The following MDGA2 variants were observed in gnomAD, a reference collection of about 807,000 sequenced individuals.
The protein encoded by MDGA2 is MAM domain containing glycosylphosphatidylinositol anchor 2.
A neutral mutation model predicts 117.8 loss-of-function variants in MDGA2; 40 were observed. The observed-to-expected ratio is 0.34, with a 90% CI of 0.26 to 0.44. The LOEUF (loss-of-function observed/expected upper bound fraction) is 0.44, where lower values mean the gene tolerates loss of function less well. MDGA2 is among the 20% of genes least tolerant of loss of function. The pLI, the probability that MDGA2 is intolerant of heterozygous loss-of-function variation, is 1.00. For synonymous variants in MDGA2, 452 were observed against 439.0 expected (o/e 1.03, Z -0.37); for missense variants, 1,123 against 1,250.6 (o/e 0.90, Z 1.54).
chr14:47,316,345 T>C (rs943918931), intron 1 of MDGA2, among the ~76,000 whole-genome samples: 1 of 152,036 alleles, frequency 6.6e-6, no homozygotes, highest in African/African-American at 2.4e-5. Flanking sequence ...AAACCAAAAA[T>C]AAGTACATTT....
At chr14:47,113,110 CT>C (rs1881134658) in intron 5 of MDGA2, among the ~76,000 whole-genome samples, 1 of 151,988 alleles carries the variant, frequency 6.6e-6, no homozygotes, top group Non-Finnish European at 1.5e-5. Flanking sequence ...TATAAATTTG[CT>C]TAAGTTCATT....
intron 1 of MDGA2, among the ~76,000 whole-genome samples, chr14:47,640,535 T>C (rs1897404592): frequency 6.6e-6 from 1 of 152,106 alleles, no homozygotes; most frequent in Non-Finnish European, 1.5e-5. Context: ...TTCTGTATCA[T>C]TCTAGAATGC....
At chr14:46,931,314 A>C (rs1009921625) in intron 9 of MDGA2, among the ~76,000 whole-genome samples, 7 of 151,478 alleles carry the variant, frequency 4.6e-5, no homozygotes, top group Non-Finnish European at 8.8e-5. Flanking sequence ...CTTCTTACAG[A>C]GTTGTTATCA....
chr14:47,092,924 C>G (rs978408867), intron 6 of MDGA2, among the ~76,000 whole-genome samples: 2 of 152,078 alleles, frequency 1.3e-5, no homozygotes, highest in African/African-American at 4.8e-5. Context: ...CTGGACACCT[C>G]TCTTTGATCT....
intron 3 of MDGA2, among the ~76,000 whole-genome samples, chr14:47,194,929 G>GT (rs1487873955): frequency 3.3e-5 from 5 of 152,064 alleles, no homozygotes; most frequent in South Asian, 4.1e-4. Context: ...CAAATGCATT[G>GT]TTTGTGTTTT....
At chr14:47,077,066 G>A (rs1335188305) in intron 6 of MDGA2, among the ~76,000 whole-genome samples, 1 of 151,552 alleles carries the variant, frequency 6.6e-6, no homozygotes, top group African/African-American at 2.4e-5. Flanking sequence ...TAGTATCATT[G>A]AAAACAGCAC....
intron 1 of MDGA2, among the ~76,000 whole-genome samples, chr14:47,479,688 C>T (rs916132054): frequency 6.6e-6 from 1 of 151,912 alleles, no homozygotes; most frequent in African/African-American, 2.4e-5. Context: ...TTATTGATTA[C>T]TTTTGGTGAA....
chr14:47,070,491 T>C (rs1350665494), intron 6 of MDGA2, among the ~76,000 whole-genome samples: 1 of 152,192 alleles, frequency 6.6e-6, no homozygotes, highest in Non-Finnish European at 1.5e-5. Flanking sequence ...CTGTAGAGGG[T>C]AAGAGCCTAG....
chr14:47,149,154 G>A lies in MDGA2; in HGVS notation c.596-4880C>T, dbSNP rs138909495. Among the ~76,000 whole-genome samples, 158 of 152,190 alleles carry A rather than the reference G, an allele frequency of 1.0e-3. 2 individuals are homozygous for A. Among genetic ancestry groups the A allele is most frequent in the African/African-American group, 3.6e-3 (149 of 41,520 alleles). ...AAAATACAAAAATTAGCCAGGCATG[G>A]TGGCAGGCACCTATAGTCCCAGCTA... On this transcript the variant is annotated intron_variant, in intron 3 of 16. Transcript: ENST00000399232.
chr14:47,421,381 A>G (rs998801086), intron 1 of MDGA2, among the ~76,000 whole-genome samples: 1 of 152,186 alleles, frequency 6.6e-6, no homozygotes, highest in African/African-American at 2.4e-5. Context: ...GGCATCACAG[A>G]TGGTCAAACA....
intron 2 of MDGA2, among the ~76,000 whole-genome samples, chr14:47,297,409 G>T (rs1376777753): frequency 6.7e-6 from 1 of 149,994 alleles, no homozygotes; most frequent in Non-Finnish European, 1.5e-5. Context: ...AAAGAGGAAG[G>T]GAGGGGAGGA....
At chr14:47,321,034 T>C (rs941107736) in intron 1 of MDGA2, among the ~76,000 whole-genome samples, 1 of 152,142 alleles carries the variant, frequency 6.6e-6, no homozygotes, top group African/African-American at 2.4e-5. Context: ...GGCAAGGATA[T>C]GACCGTTCTA....
intron 8 of MDGA2, among the ~76,000 whole-genome samples, chr14:47,023,419 C>T (rs1202852783): frequency 2.0e-5 from 3 of 152,074 alleles, no homozygotes; most frequent in Non-Finnish European, 4.4e-5. Context: ...GTACTACTAA[C>T]ATTGTCAAAC....
intron 3 of MDGA2, among the ~76,000 whole-genome samples, chr14:47,216,609 T>G (rs1886097853): frequency 6.6e-6 from 1 of 152,158 alleles, no homozygotes; most frequent in South Asian, 2.1e-4. Flanking sequence ...TTTTAGATTT[T>G]ACAATTGTGT....
At chr14:47,084,155 C>G (rs1194257602) in intron 6 of MDGA2, among the ~76,000 whole-genome samples, 1 of 152,086 alleles carries the variant, frequency 6.6e-6, no homozygotes, top group African/African-American at 2.4e-5. Context: ...AGACCATATG[C>G]TGCTTAAAAA....
At chr14:47,464,623 A>G (rs1893561606) in intron 1 of MDGA2, among the ~76,000 whole-genome samples, 1 of 152,044 alleles carries the variant, frequency 6.6e-6, no homozygotes, top group Non-Finnish European at 1.5e-5. Flanking sequence ...ACAGCTAACC[A>G]GGGAGGTGAA....
At chr14:47,137,325 G>C (rs1207999698) in intron 4 of MDGA2, among the ~76,000 whole-genome samples, 1 of 152,136 alleles carries the variant, frequency 6.6e-6, no homozygotes, top group Admixed American at 6.6e-5. Context: ...TAGTTTGGAT[G>C]TTTGTCCCTA....
intron 9 of MDGA2, among the ~76,000 whole-genome samples, chr14:46,948,216 T>C (rs1397917289): frequency 6.6e-6 from 1 of 152,110 alleles, no homozygotes; most frequent in Non-Finnish European, 1.5e-5. Context: ...TGATTATTAA[T>C]ACTCCTACCT....
At position 47,661,441 on chromosome 14, in the gene MDGA2, T is replaced by C. The variant is rs1015256624; in HGVS notation, c.280+13076A>G. ...CTCATCTTTAATTATTTTTCAATTA[T>C]AGGTGAAAAAAGATGAAAGATAATC... On this transcript the variant is annotated intron_variant, in intron 1 of 16. Transcript: ENST00000399232. Among the ~76,000 whole-genome samples the C allele has an allele frequency of 2.6e-5, 4 of 152,320 alleles. No individual in the cohort carries two copies. In the East Asian group the frequency reaches 7.7e-4, roughly 29 times the overall value.
Sources: gnomAD v4.1 joint callset for allele counts (sites outside exome capture counted in the v4.1 genomes callset) on GRCh38, gnomAD v4.1.1 for gene constraint, MANE v1.5 for transcripts, NCBI Gene and HGNC (gene_info 2026-07-23, HGNC 2026-07-21) for gene names.